Variants in CLSTN2 observed in about 807,000 individuals in gnomAD.
CLSTN2 encodes calsyntenin-2.
In CLSTN2, 48 loss-of-function variants were observed where a neutral mutation model predicts 101.2. The observed-to-expected ratio is 0.47, with a 90% CI of 0.38 to 0.60. The LOEUF is 0.60. Ranked by LOEUF, CLSTN2 falls within the 20% of genes least tolerant of loss-of-function variation. The pLI is 0.00. For missense variants in CLSTN2, 1,160 were observed against 1,238.2 expected, an observed-to-expected ratio of 0.94 and a Z score of 0.95; for synonymous variants, 481 against 463.6, an observed-to-expected ratio of 1.04 and a Z score of -0.48.
intron 2 of CLSTN2, among the ~76,000 whole-genome samples, chr3:140,220,728 T>C (rs1025156071): frequency 1.5e-4 from 23 of 152,200 alleles, no homozygotes; most frequent in African/African-American, 5.5e-4. Flanking sequence ...CAAACATCCA[T>C]GAACTTAGTG....
intron 2 of CLSTN2, among the ~76,000 whole-genome samples, chr3:140,390,404 C>T (rs1448037532): frequency 6.6e-6 from 1 of 152,092 alleles, no homozygotes; most frequent in African/African-American, 2.4e-5. Context: ...TTACAAATAT[C>T]TAAAGTTTTT....
intron 2 of CLSTN2, among the ~76,000 whole-genome samples, chr3:140,252,728 A>G (rs2086574745): frequency 6.6e-6 from 1 of 152,238 alleles, no homozygotes. Flanking sequence ...ACAACCCTGT[A>G]AGGGCAGGTG....
At position 140,117,005 on chromosome 3, in the gene CLSTN2, C is replaced by G. The variant is rs191362377; in HGVS notation, c.110-58946C>G. 3.8e-3 allele frequency among the ~76,000 whole-genome samples: 586 copies of G among 152,236 alleles called. 4 individuals carry two copies. The highest frequency in any genetic ancestry group is 6.1e-3 in the Non-Finnish European group (415 of 68,020). On this transcript the variant is annotated intron_variant, in intron 1 of 16. Coordinates refer to ENST00000458420, the MANE Select transcript of CLSTN2 (RefSeq NM_022131.3). ...TGAAATTGCTCCCATATTCTGGAGC[C>G]CCCCTTTCCCCTGCTCTGCTGTTCC... is the stretch of plus-strand genomic sequence containing the variant.
At chr3:140,346,953 G>A (rs966469429) in intron 2 of CLSTN2, among the ~76,000 whole-genome samples, 7 of 152,188 alleles carry the variant, frequency 4.6e-5, no homozygotes, top group African/African-American at 1.4e-4. Flanking sequence ...CTACTGTGCT[G>A]TTCTTTACTT....
At chr3:140,147,360 C>T (rs747216538) in intron 1 of CLSTN2, among the ~76,000 whole-genome samples, 29 of 152,294 alleles carry the variant, frequency 1.9e-4, no homozygotes, top group South Asian at 6.2e-4. Flanking sequence ...GCCTTGCTTT[C>T]GGGAATGTCA....
intron 2 of CLSTN2, among the ~76,000 whole-genome samples, chr3:140,250,597 G>C (rs543298879): frequency 1.3e-5 from 2 of 152,296 alleles, no homozygotes; most frequent in African/African-American, 4.8e-5. Flanking sequence ...TGTCAGAGCT[G>C]CTGTCCCTGC....
chr3:140,305,052 A>T (rs397876957), intron 2 of CLSTN2, among the ~76,000 whole-genome samples: 1,375 of 123,118 alleles, frequency 0.011, 21 homozygotes, highest in African/African-American at 0.034. Flanking sequence ...ACACACACAC[A>T]CACTCTCTCT....
intron 8 of CLSTN2, among the ~76,000 whole-genome samples, chr3:140,482,790 C>A (rs1934148880): frequency 6.6e-6 from 1 of 152,054 alleles, no homozygotes; most frequent in East Asian, 1.9e-4. Context: ...GTGGTGATAT[C>A]CCCTTTATCA....
intron 2 of CLSTN2, among the ~76,000 whole-genome samples, chr3:140,284,440 G>T (rs192931786): frequency 1.3e-5 from 2 of 152,038 alleles, no homozygotes; most frequent in South Asian, 2.1e-4. Context: ...TCATGGAGTC[G>T]CAAAGAAAAT....
intron 1 of CLSTN2, among the ~76,000 whole-genome samples, chr3:139,986,166 T>G (rs1936017157): frequency 6.6e-6 from 1 of 152,206 alleles, no homozygotes; most frequent in South Asian, 2.1e-4. Context: ...AGCTGCATGA[T>G]TGGTCTGGGT....
chr3:140,562,253 G>C lies in CLSTN2; in HGVS notation c.2157G>C (p.Glu719Asp). The part of the protein sequence containing the change: ...RQECLELNHS[E>D]LHQRHLDATN... Reference sequence around the variant, plus strand: ...AGTGCTTGGAGCTCAACCACAGTGAGCTCCACCAACGACACCTGGATGCCA... The same window carrying C: ...AGTGCTTGGAGCTCAACCACAGTGACCTCCACCAACGACACCTGGATGCCA... Residue 719 changes from glutamate (E) to aspartate (D), a missense_variant, in exon 13 of 17, where the codon GAG (glutamate) becomes GAC (aspartate). Glu to Asp is a conservative substitution (Grantham distance 45). Coordinates refer to ENST00000458420, the MANE Select transcript of CLSTN2 (RefSeq NM_022131.3). 1.9e-6 allele frequency: 3 copies of C among 1,614,026 alleles called. No individual in the cohort carries two copies. The South Asian group carries it at 3.3e-5, about 18-fold the overall frequency.
intron 1 of CLSTN2, among the ~76,000 whole-genome samples, chr3:140,172,698 C>T (rs941641636): frequency 6.6e-6 from 1 of 152,082 alleles, no homozygotes; most frequent in Non-Finnish European, 1.5e-5. Context: ...GGAAGCCTCA[C>T]AATAATGGCA....
At chr3:140,264,676 T>C (rs1317971343) in intron 2 of CLSTN2, among the ~76,000 whole-genome samples, 4 of 152,034 alleles carry the variant, frequency 2.6e-5, no homozygotes. Context: ...TTCACTTACA[T>C]TGCCTTTCAT....
chr3:140,163,779 G>A (rs749275722), intron 1 of CLSTN2, among the ~76,000 whole-genome samples: 1 of 151,476 alleles, frequency 6.6e-6, no homozygotes, highest in African/African-American at 2.4e-5. Context: ...CAATTCTGCC[G>A]TCCTGCAGGG....
At chr3:139,976,617 T>TC (rs1217165739) in intron 1 of CLSTN2, among the ~76,000 whole-genome samples, 1 of 152,132 alleles carries the variant, frequency 6.6e-6, no homozygotes, top group African/African-American at 2.4e-5. Flanking sequence ...GAGTGCCAAG[T>TC]CCTGGGATGA....
chr3:140,194,524 T>TA (rs200131949), intron 2 of CLSTN2, among the ~76,000 whole-genome samples: 18 of 152,204 alleles, frequency 1.2e-4, no homozygotes, highest in African/African-American at 3.4e-4. Context: ...TCTACTGATT[T>TA]AAAAAAAATC....
At chr3:140,281,991 G>T (rs367692834) in intron 2 of CLSTN2, among the ~76,000 whole-genome samples, 1 of 152,176 alleles carries the variant, frequency 6.6e-6, no homozygotes, top group East Asian at 1.9e-4. Context: ...AAATGTAATA[G>T]TGACATTATT....
rs74570031 is a variant in CLSTN2 at position 140,118,551 on chromosome 3, T to C, written c.110-57400T>C. ...CGACAGTGGTTACAAGGGGCAAAAA[T>C]GGGCATATGTCAGTGGGTGCAATCT... is the stretch of plus-strand genomic sequence containing the variant. On this transcript the variant is annotated intron_variant, in intron 1 of 16. Transcript: ENST00000458420. 1.9e-4 allele frequency among the ~76,000 whole-genome samples: 28 copies of C among 150,414 alleles called. 1 individual carries two copies. In the East Asian group the frequency reaches 5.4e-3, roughly 29 times the overall value.
At chr3:140,351,123 C>T (rs114708958) in intron 2 of CLSTN2, among the ~76,000 whole-genome samples, 65 of 152,210 alleles carry the variant, frequency 4.3e-4, no homozygotes, top group Admixed American at 1.4e-3. Flanking sequence ...GGGGGACAAA[C>T]ACTAAGTATT....
Sources: allele counts gnomAD v4.1 joint callset (sites outside exome capture counted in the v4.1 genomes callset), GRCh38; gene constraint gnomAD v4.1.1; transcripts MANE v1.5; gene names NCBI Gene and HGNC (gene_info 2026-07-23, HGNC 2026-07-21).